Variants in GSE1 observed in about 807,000 individuals in gnomAD.
GSE1 encodes genetic suppressor element 1.
In GSE1, 32 loss-of-function variants were observed where a neutral mutation model predicts 112.6. That is an observed-to-expected ratio of 0.28 (90% CI 0.21 to 0.38). The LOEUF (loss-of-function observed/expected upper bound fraction) is 0.38. Among genes scored for constraint, GSE1 ranks in the 10% least tolerant of loss-of-function variants. The probability of loss-of-function intolerance (pLI) is 1.00; values close to 1 mark genes in which losing one functional copy is unlikely to be tolerated. For synonymous variants in GSE1, 1,115 were observed against 735.6 expected (o/e 1.52, Z -8.35); for missense variants, 2,348 against 1,699.2 (o/e 1.38, Z -6.71).
intron 1 of GSE1, among the ~76,000 whole-genome samples, chr16:85,201,651 CAA>C (rs60277500): frequency 2.1e-5 from 3 of 141,928 alleles, no homozygotes; most frequent in Non-Finnish European, 3.1e-5. Flanking sequence ...GACTCCGTCT[CAA>C]AAAAAAAAAC....
intron 1 of GSE1, among the ~76,000 whole-genome samples, chr16:85,313,826 T>G (rs1034538668): frequency 3.9e-5 from 6 of 152,200 alleles, no homozygotes; most frequent in African/African-American, 1.4e-4. Context: ...CCCTCGTACA[T>G]GCCCACTGGG....
At chr16:85,377,389 C>G (rs950710166) in intron 2 of GSE1, among the ~76,000 whole-genome samples, 1 of 152,192 alleles carries the variant, frequency 6.6e-6, no homozygotes, top group Non-Finnish European at 1.5e-5. Context: ...AACTCAAGGA[C>G]TCTGGTTTGG....
At chr16:85,329,063 C>T (rs1330276090) in intron 1 of GSE1, among the ~76,000 whole-genome samples, 2 of 152,156 alleles carry the variant, frequency 1.3e-5, no homozygotes, top group East Asian at 1.9e-4. Flanking sequence ...CCAGAACCCC[C>T]GCGGCCCCAG....
At chr16:85,317,460 C>A (rs1040980102) in intron 1 of GSE1, among the ~76,000 whole-genome samples, 8 of 152,170 alleles carry the variant, frequency 5.3e-5, no homozygotes, top group African/African-American at 1.9e-4. Context: ...AGGACAACCC[C>A]CCTACGAGTC....
At chr16:85,234,391 C>T (rs575853289) in intron 1 of GSE1, among the ~76,000 whole-genome samples, 8 of 152,298 alleles carry the variant, frequency 5.3e-5, no homozygotes, top group Admixed American at 6.5e-5. Flanking sequence ...CCAGGTTCTC[C>T]GGCTCATGGA....
At chr16:85,298,144 G>C (rs1272564848) in intron 1 of GSE1, among the ~76,000 whole-genome samples, 1 of 152,166 alleles carries the variant, frequency 6.6e-6, no homozygotes, top group East Asian at 1.9e-4. Flanking sequence ...AAGCGGATTC[G>C]AATTCCGCAG....
At chr16:85,488,897 C>T (rs2050923416) in intron 2 of GSE1, among the ~76,000 whole-genome samples, 1 of 152,112 alleles carries the variant, frequency 6.6e-6, no homozygotes, top group South Asian at 2.1e-4. Flanking sequence ...CCCATTCTAA[C>T]AGCCCCCCGG....
At chr16:85,655,986 C>A in intron 6 of GSE1, 69 bp downstream of exon 6, 1 of 1,317,510 alleles carries the variant, frequency 7.6e-7, no homozygotes, top group Non-Finnish European at 1.0e-6. Context: ...GGCAGAAAGC[C>A]TGGGCTGGAA....
chr16:85,546,986 G>A (rs900768785), intron 2 of GSE1, among the ~76,000 whole-genome samples: 2 of 152,222 alleles, frequency 1.3e-5, no homozygotes, highest in Non-Finnish European at 2.9e-5. Flanking sequence ...GTGTCACGAG[G>A]GAGTGAGATG....
At chr16:85,550,776 C>T (rs1347237688) in intron 2 of GSE1, among the ~76,000 whole-genome samples, 12 of 152,190 alleles carry the variant, frequency 7.9e-5, no homozygotes, top group African/African-American at 2.2e-4. Flanking sequence ...AAGACAGCCC[C>T]GCTAGAGGGA....
chr16:85,602,242 C>T (rs962548892), intron 1 of GSE1, among the ~76,000 whole-genome samples: 6 of 151,886 alleles, frequency 4.0e-5, no homozygotes, highest in South Asian at 2.1e-4. Flanking sequence ...GAGGCCGAGG[C>T]GGGGGCCAGG....
chr16:85,495,768 G>A (rs2051155752), intron 2 of GSE1, among the ~76,000 whole-genome samples: 2 of 152,128 alleles, frequency 1.3e-5, no homozygotes, highest in Admixed American at 1.3e-4. Context: ...AAAGTGCTGG[G>A]ATTACAGGCA....
intron 1 of GSE1, among the ~76,000 whole-genome samples, chr16:85,559,038 A>T (rs998334720): frequency 1.3e-5 from 2 of 152,104 alleles, no homozygotes; most frequent in Non-Finnish European, 2.9e-5. Context: ...GTGTATTTTT[A>T]GTAGAGATGG....
chr16:85,495,184 C>T (rs1048723596), intron 2 of GSE1, among the ~76,000 whole-genome samples: 1 of 152,154 alleles, frequency 6.6e-6, no homozygotes, highest in East Asian at 1.9e-4. Flanking sequence ...TGGGCCTGTT[C>T]CCCGAAAGCC....
intron 14 of GSE1, among the ~76,000 whole-genome samples, chr16:85,670,274 C>T (rs1438063300): frequency 6.6e-6 from 1 of 152,212 alleles, no homozygotes; most frequent in Non-Finnish European, 1.5e-5. Flanking sequence ...TGTCTTGTCA[C>T]TCCAGTGCTG....
At chr16:85,229,273 G>A (rs921673587) in intron 1 of GSE1, among the ~76,000 whole-genome samples, 2 of 152,254 alleles carry the variant, frequency 1.3e-5, no homozygotes, top group Non-Finnish European at 2.9e-5. Context: ...CCTGCAGTCA[G>A]CGGCAGGCCG....
intron 1 of GSE1, among the ~76,000 whole-genome samples, chr16:85,314,451 G>A (rs1403875634): frequency 6.6e-6 from 1 of 152,192 alleles, no homozygotes; most frequent in Non-Finnish European, 1.5e-5. Context: ...AGGGATGTGA[G>A]GAACAGTGGG....
intron 2 of GSE1, among the ~76,000 whole-genome samples, chr16:85,381,878 T>C (rs943731627): frequency 7.9e-5 from 12 of 152,148 alleles, no homozygotes; most frequent in African/African-American, 2.9e-4. Context: ...CCTGTCAGGG[T>C]CCCCTGCCTG....
chr16:85,186,350 A>G (rs547103679), intron 1 of GSE1, among the ~76,000 whole-genome samples: 3 of 152,034 alleles, frequency 2.0e-5, no homozygotes, highest in Non-Finnish European at 2.9e-5. Context: ...CACACCTGTA[A>G]TCCCAGCATT....
Sources: gnomAD v4.1 joint callset for allele counts (sites outside exome capture counted in the v4.1 genomes callset) on GRCh38, gnomAD v4.1.1 for gene constraint, MANE v1.5 for transcripts, NCBI Gene and HGNC (gene_info 2026-07-23, HGNC 2026-07-21) for gene names.